Variants in NXPH1 observed in about 807,000 individuals in gnomAD.
NXPH1 encodes the protein neurexophilin 1.
In NXPH1, 5 loss-of-function variants were observed where a neutral mutation model predicts 23.7. The observed-to-expected ratio is 0.21, with a 90% CI of 0.11 to 0.44. The LOEUF is 0.44. Among genes scored for constraint, NXPH1 ranks in the 20% least tolerant of loss-of-function variants. NXPH1 has a pLI of 0.99. For missense variants in NXPH1, 324 were observed against 321.6 expected (o/e 1.01, Z -0.06); for synonymous variants, 144 against 122.2 (o/e 1.18, Z -1.18).
chr7:8,659,441 A>G (rs1820635079), intron 2 of NXPH1, among the ~76,000 whole-genome samples: 3 of 152,096 alleles, frequency 2.0e-5, no homozygotes, highest in Admixed American at 1.3e-4. Context: ...TCTTCTCTCA[A>G]CTCGTCTGGA....
At chr7:8,671,684 G>C (rs1032179074) in intron 2 of NXPH1, among the ~76,000 whole-genome samples, 3 of 152,152 alleles carry the variant, frequency 2.0e-5, no homozygotes, top group Non-Finnish European at 4.4e-5. Context: ...AAACACACTT[G>C]TTCAGAAAAA....
At chr7:8,553,775 G>C (rs1248611145) in intron 2 of NXPH1, among the ~76,000 whole-genome samples, 2 of 151,500 alleles carry the variant, frequency 1.3e-5, no homozygotes, top group Admixed American at 1.3e-4. Flanking sequence ...AAATCATCTT[G>C]AGCCATGATC....
intron 2 of NXPH1, among the ~76,000 whole-genome samples, chr7:8,638,692 G>C (rs1461461620): frequency 6.6e-6 from 1 of 152,126 alleles, no homozygotes; most frequent in Non-Finnish European, 1.5e-5. Flanking sequence ...GCAGTGCTGT[G>C]CATATTAATT....
chr7:8,747,955 A>G (rs943769845), intron 2 of NXPH1, among the ~76,000 whole-genome samples: 8 of 152,328 alleles, frequency 5.3e-5, no homozygotes, highest in African/African-American at 1.9e-4. Flanking sequence ...TATAATGAAA[A>G]ATACTAACTC....
chr7:8,559,298 G>T (rs1244893381), intron 2 of NXPH1, among the ~76,000 whole-genome samples: 1 of 151,628 alleles, frequency 6.6e-6, no homozygotes, highest in African/African-American at 2.4e-5. Flanking sequence ...ATACAAAAAA[G>T]TCTTAATTTG....
chr7:8,738,526 C>A (rs1342861897), intron 2 of NXPH1, among the ~76,000 whole-genome samples: 1 of 152,136 alleles, frequency 6.6e-6, no homozygotes, highest in Non-Finnish European at 1.5e-5. Context: ...TGCCAGATAC[C>A]AGCTGGAGCT....
chr7:8,659,503 G>A (rs968836904), intron 2 of NXPH1, among the ~76,000 whole-genome samples: 4 of 152,076 alleles, frequency 2.6e-5, no homozygotes, highest in South Asian at 2.1e-4. Flanking sequence ...AACACTGCAT[G>A]TTCTCACTCA....
intron 2 of NXPH1, among the ~76,000 whole-genome samples, chr7:8,565,350 A>G (rs961473275): frequency 1.3e-5 from 2 of 151,838 alleles, no homozygotes; most frequent in Non-Finnish European, 2.9e-5. Flanking sequence ...GCAATGCAGG[A>G]TCTTAGTATT....
At chr7:8,510,014 A>C (rs1584201544) in intron 2 of NXPH1, among the ~76,000 whole-genome samples, 1 of 152,160 alleles carries the variant, frequency 6.6e-6, no homozygotes, top group African/African-American at 2.4e-5. Flanking sequence ...TCACTGTTTC[A>C]AAGTCACTAG....
chr7:8,684,228 A>G (rs553315689), intron 2 of NXPH1, among the ~76,000 whole-genome samples: 1 of 152,280 alleles, frequency 6.6e-6, no homozygotes, highest in Non-Finnish European at 1.5e-5. Flanking sequence ...TGTTAATATC[A>G]TATTCCTGCC....
chr7:8,681,951 A>G (rs1821056434), intron 2 of NXPH1, among the ~76,000 whole-genome samples: 1 of 152,232 alleles, frequency 6.6e-6, no homozygotes, highest in African/African-American at 2.4e-5. Flanking sequence ...GTTGAGATCC[A>G]GAACCAGAAG....
intron 2 of NXPH1, among the ~76,000 whole-genome samples, chr7:8,556,073 T>C (rs1360887631): frequency 6.6e-6 from 1 of 151,650 alleles, no homozygotes; most frequent in Non-Finnish European, 1.5e-5. Context: ...TCGTCCTTCT[T>C]CCCTCCATCC....
At chr7:8,710,732 G>T (rs577374099) in intron 2 of NXPH1, among the ~76,000 whole-genome samples, 2 of 104,456 alleles carry the variant, frequency 1.9e-5, no homozygotes, top group Non-Finnish European at 1.7e-5. Flanking sequence ...GCGCAATCTC[G>T]GCTCACTGCA....
chr7:8,471,957 CA>C (rs1390671463), intron 2 of NXPH1, among the ~76,000 whole-genome samples: 1 of 151,554 alleles, frequency 6.6e-6, no homozygotes, highest in Non-Finnish European at 1.5e-5. Flanking sequence ...AATTTTAATT[CA>C]TTTATTATTT....
intron 2 of NXPH1, among the ~76,000 whole-genome samples, chr7:8,701,330 A>G (rs926928671): frequency 5.3e-5 from 8 of 152,046 alleles, no homozygotes; most frequent in African/African-American, 1.9e-4. Flanking sequence ...AACCCAGTCC[A>G]AACTCCTTAG....
chr7:8,579,053 T>G (rs2128623342), intron 2 of NXPH1, among the ~76,000 whole-genome samples: 1 of 152,310 alleles, frequency 6.6e-6, no homozygotes, highest in African/African-American at 2.4e-5. Context: ...ACTCATCACC[T>G]TAGACCACTC....
chr7:8,725,545 T>C (rs1780037864), intron 2 of NXPH1, among the ~76,000 whole-genome samples: 1 of 152,120 alleles, frequency 6.6e-6, no homozygotes, highest in Non-Finnish European at 1.5e-5. Flanking sequence ...TGGATGTGTT[T>C]TTACCACTTC....
In NXPH1 at chr7:8,533,751, C is replaced by T. The variant is rs993270874; in HGVS notation, c.54+97984C>T. Among the ~76,000 whole-genome samples, 7 of 152,098 alleles carry T rather than the reference C, an allele frequency of 4.6e-5. No homozygotes were observed. In the East Asian group the frequency reaches 5.8e-4, roughly 13 times the overall value. The stretch of plus-strand genomic sequence containing the variant: ...ATAGGACCCAGTGGCATTGGTCCCA[C>T]GTTTCTTCAGCCTGCTGTTCACTCC... On this transcript the variant is annotated intron_variant, in intron 2 of 2. Transcript: ENST00000405863.
intron 2 of NXPH1, among the ~76,000 whole-genome samples, chr7:8,695,581 A>T (rs898108783): frequency 2.0e-5 from 3 of 152,134 alleles, no homozygotes; most frequent in Non-Finnish European, 4.4e-5. Context: ...CTACTTTTCT[A>T]TGGTTAAGTA....
Sources: allele counts gnomAD v4.1 joint callset (sites outside exome capture counted in the v4.1 genomes callset), GRCh38; gene constraint gnomAD v4.1.1; transcripts MANE v1.5; gene names NCBI Gene and HGNC (gene_info 2026-07-23, HGNC 2026-07-21).